The following PDGFRL variants were observed in gnomAD, a reference collection of about 807,000 sequenced individuals.
PDGFRL encodes platelet-derived growth factor receptor-like protein.
PDGFRL carries 46 observed loss-of-function variants against 37.2 expected under a neutral mutation model. The observed-to-expected ratio is 1.24, with a 90% CI of 0.98 to 1.58. The LOEUF is 1.58. PDGFRL is among the 40% of genes most tolerant of loss of function. The probability of loss-of-function intolerance (pLI) is 0.00; values close to 1 mark genes in which losing one functional copy is unlikely to be tolerated. For missense variants in PDGFRL, 692 were observed against 467.6 expected (o/e 1.48, Z -4.43); for synonymous variants, 251 against 184.3 (o/e 1.36, Z -2.93).
chr8:17,625,383 C>T (rs568643922), intron 3 of PDGFRL, among the ~76,000 whole-genome samples: 2 of 151,992 alleles, frequency 1.3e-5, no homozygotes, highest in African/African-American at 4.8e-5. Context: ...GTCTCCTGAC[C>T]TCATGATCCG....
intron 3 of PDGFRL, among the ~76,000 whole-genome samples, chr8:17,622,705 A>G (rs1441709787): frequency 6.6e-6 from 1 of 152,188 alleles, no homozygotes; most frequent in Non-Finnish European, 1.5e-5. Flanking sequence ...TTATGCGAAA[A>G]GGAAAGCTCT....
intron 3 of PDGFRL, among the ~76,000 whole-genome samples, chr8:17,627,673 A>C (rs1365328974): frequency 6.6e-6 from 1 of 150,390 alleles, no homozygotes; most frequent in African/African-American, 2.5e-5. Context: ...ACGGGGTTTC[A>C]CCATGTTGCC....
intron 2 of PDGFRL, among the ~76,000 whole-genome samples, chr8:17,595,190 C>T (rs1393940269): frequency 2.0e-5 from 3 of 152,154 alleles, no homozygotes; most frequent in African/African-American, 7.2e-5. Context: ...ACTGCAGCCA[C>T]CTCCAGGGAC....
At chr8:17,607,043 A>G (rs1436151938) in intron 2 of PDGFRL, among the ~76,000 whole-genome samples, 2 of 151,878 alleles carry the variant, frequency 1.3e-5, no homozygotes, top group South Asian at 2.1e-4. Flanking sequence ...TTACAGGTGC[A>G]TGCCACCATG....
At chr8:17,616,106 G>A (rs527958053) in intron 2 of PDGFRL, among the ~76,000 whole-genome samples, 2 of 152,118 alleles carry the variant, frequency 1.3e-5, no homozygotes, top group Non-Finnish European at 2.9e-5. Context: ...AGGTCATGGT[G>A]GAGCTGGGAT....
chr8:17,580,204 A>G (rs1803676522), intron 1 of PDGFRL, among the ~76,000 whole-genome samples: 1 of 152,174 alleles, frequency 6.6e-6, no homozygotes, highest in Non-Finnish European at 1.5e-5. Context: ...AGGACTACAG[A>G]CATTCATTAT....
At chr8:17,604,545 T>C (rs920005329) in intron 2 of PDGFRL, among the ~76,000 whole-genome samples, 6 of 149,948 alleles carry the variant, frequency 4.0e-5, no homozygotes, top group Non-Finnish European at 7.4e-5. Flanking sequence ...CGAGAATGCA[T>C]GGACACAGGA....
At position 17,577,305 on chromosome 8, in the gene PDGFRL, A is replaced by T. The variant is rs1272397186; in HGVS notation, c.53A>T (p.Asp18Val). The stretch of plus-strand genomic sequence containing the variant: ...CTGCTGGTGCACGAAGCGCTGGAGG[A>T]TGGTGAGTGACTCTGGGCGCGGGGC... Reference protein sequence around the residue: ...GLLLVHEALEDVTGQHLPKNK... With the variant: ...GLLLVHEALEVVTGQHLPKNK... The change falls in exon 1 of 6, where the codon GAT becomes GTT. Residue 18 changes from aspartate to valine, a missense_variant and splice_region_variant. By Grantham distance (152) the Asp-to-Val change is radical (BLOSUM62 -3). Coordinates refer to ENST00000251630, the MANE Select transcript of PDGFRL (RefSeq NM_001372073.1). The T allele has an allele frequency of 6.2e-7, 1 of 1,612,056 alleles. No individual in the cohort carries two copies.
chr8:17,604,483 G>A (rs1453241524), intron 2 of PDGFRL, among the ~76,000 whole-genome samples: 2 of 151,972 alleles, frequency 1.3e-5, no homozygotes, highest in Non-Finnish European at 2.9e-5. Context: ...ACTGTCGTAA[G>A]GACAAAAAAC....
chr8:17,611,021 T>C (rs938705793), intron 2 of PDGFRL, among the ~76,000 whole-genome samples: 2 of 152,252 alleles, frequency 1.3e-5, no homozygotes, highest in African/African-American at 4.8e-5. Flanking sequence ...AGTCATTCAT[T>C]TGGTTAGGAC....
upstream of PDGFRL, chr8:17,576,992 C>A: frequency 3.7e-6 from 2 of 544,378 alleles, no homozygotes; most frequent in South Asian, 4.7e-5. Context: ...ATGTACATTT[C>A]ACGCTTAGCC....
intron 5 of PDGFRL, among the ~76,000 whole-genome samples, chr8:17,641,901 G>C (rs1262715737): frequency 4.1e-4 from 48 of 116,172 alleles, no homozygotes; most frequent in African/African-American, 6.4e-4. Context: ...AGAGGTCCCC[G>C]CCACATTGCT....
At chr8:17,597,967 T>C (rs2588141) in intron 2 of PDGFRL, among the ~76,000 whole-genome samples, 6,379 of 150,872 alleles carry the variant, frequency 0.042, 409 homozygotes, top group African/African-American at 0.13. Flanking sequence ...ATCAATGTTA[T>C]ATAGCATTGT....
At chr8:17,612,077 G>A (rs1804428733) in intron 2 of PDGFRL, among the ~76,000 whole-genome samples, 2 of 152,160 alleles carry the variant, frequency 1.3e-5, no homozygotes. Context: ...CACTCCAAAT[G>A]ATGTGTTATA....
chr8:17,620,699 C>T (rs772018458), intron 2 of PDGFRL, among the ~76,000 whole-genome samples: 11 of 151,968 alleles, frequency 7.2e-5, no homozygotes, highest in Non-Finnish European at 1.0e-4. Flanking sequence ...TCCAGAAATA[C>T]GGTTATGAAT....
At chr8:17,638,724 T>G (rs1362496852) in intron 5 of PDGFRL, among the ~76,000 whole-genome samples, 1 of 127,994 alleles carries the variant, frequency 7.8e-6, no homozygotes, top group Non-Finnish European at 1.6e-5. Flanking sequence ...ATTTGGGAGC[T>G]CTGGCATTAG....
At position 17,589,574 on chromosome 8, in the gene PDGFRL, C is replaced by A. The variant is rs773885075; in HGVS notation, c.162C>A (p.Asp54Glu). The A allele has an allele frequency of 6.2e-7, 1 of 1,613,520 alleles. No homozygotes were observed. Among genetic ancestry groups the A allele is most frequent in the African/African-American group, 1.3e-5 (1 of 75,004 alleles). The change falls in exon 2 of 6, where the codon GAC becomes GAA. Residue 54 changes from aspartate (D) to glutamate (E), a missense_variant. Physicochemically the swap from Asp to Glu is conservative, Grantham distance 45. Transcript: ENST00000251630. ...AGCCCAAAATTCCTAAAATGAAGGA[C>A]AGGGACTCAGCCAATTCAGCACCAA... ...KVKPKIPKMK[D>E]RDSANSAPKT...
chr8:17,588,589 C>T (rs1173277965), intron 1 of PDGFRL, among the ~76,000 whole-genome samples: 2 of 152,168 alleles, frequency 1.3e-5, no homozygotes, highest in Non-Finnish European at 2.9e-5. Flanking sequence ...AGGAGGATCA[C>T]TTGAGCCCAG....
intron 2 of PDGFRL, among the ~76,000 whole-genome samples, chr8:17,594,830 T>C (rs1804018284): frequency 6.6e-6 from 1 of 152,170 alleles, no homozygotes; most frequent in South Asian, 2.1e-4. Context: ...CGTGAGCCAC[T>C]GTGCCTGGCC....
Sources: allele counts gnomAD v4.1 joint callset (sites outside exome capture counted in the v4.1 genomes callset), GRCh38; gene constraint gnomAD v4.1.1; transcripts MANE v1.5; gene names NCBI Gene and HGNC (gene_info 2026-07-23, HGNC 2026-07-21).